Variants in NKAIN3 observed in about 807,000 individuals in gnomAD.
NKAIN3 encodes sodium/potassium transporting ATPase interacting 3.
Under a neutral mutation model 30.2 loss-of-function variants are expected in NKAIN3, and 25 were observed. The ratio of observed to expected loss-of-function variants is 0.83; its 90% CI spans 0.60 to 1.16. NKAIN3 has a LOEUF of 1.16. NKAIN3 is among the 50% of genes most tolerant of loss of function. NKAIN3 has a pLI of 0.00. For synonymous variants in NKAIN3, 91 were observed against 89.6 expected (o/e 1.02, Z -0.09); for missense variants, 225 against 254.1 (o/e 0.89, Z 0.78).
intron 1 of NKAIN3, among the ~76,000 whole-genome samples, chr8:62,571,388 G>A (rs1300024778): frequency 2.0e-5 from 3 of 152,118 alleles, no homozygotes; most frequent in African/African-American, 7.2e-5. Context: ...CTCCACCTCT[G>A]TGGCTTTGCA....
rs1213876791 is a variant in NKAIN3 at position 62,692,109 on chromosome 8, G to T, written c.274-54823G>T. On this transcript the variant is annotated intron_variant, in intron 3 of 6. Transcript: ENST00000623646. ...AGTCATGGCAGGTTCCGAGAGAGAA[G>T]GATCTCAAGGCCACTTGAAGCCTAG... Among the ~76,000 whole-genome samples, 3 of 152,278 alleles carry T rather than the reference G, an allele frequency of 2.0e-5. No homozygotes were observed. In the East Asian group the frequency reaches 5.8e-4, roughly 29 times the overall value.
chr8:62,532,806 C>T (rs185080734), intron 1 of NKAIN3, among the ~76,000 whole-genome samples: 7 of 152,272 alleles, frequency 4.6e-5, no homozygotes, highest in East Asian at 1.9e-4. Flanking sequence ...GTTAAGTTTA[C>T]GCATGGATCG....
chr8:62,767,130 C>G (rs532778809), intron 4 of NKAIN3, among the ~76,000 whole-genome samples: 9 of 152,134 alleles, frequency 5.9e-5, no homozygotes, highest in Non-Finnish European at 1.2e-4. Context: ...TTAATTCTTT[C>G]CCTCCGCATG....
At chr8:62,670,689 C>CT (rs1387796187) in intron 3 of NKAIN3, among the ~76,000 whole-genome samples, 1 of 151,974 alleles carries the variant, frequency 6.6e-6, no homozygotes, top group Non-Finnish European at 1.5e-5. Flanking sequence ...TAAAAGAGAC[C>CT]AGGTTCTTTC....
chr8:62,706,037 C>T (rs28608015), intron 3 of NKAIN3, among the ~76,000 whole-genome samples: 8,548 of 152,114 alleles, frequency 0.056, 469 homozygotes, highest in African/African-American at 0.14. Context: ...GTAAGTTGAC[C>T]TGTGTGAGTA....
At chr8:62,905,850 C>G (rs1821756996) in intron 4 of NKAIN3, among the ~76,000 whole-genome samples, 1 of 152,190 alleles carries the variant, frequency 6.6e-6, no homozygotes, top group Non-Finnish European at 1.5e-5. Flanking sequence ...TCCATGGACC[C>G]CTTCTCTGAC....
At chr8:62,596,258 G>A (rs1309369547) in intron 3 of NKAIN3, among the ~76,000 whole-genome samples, 1 of 151,930 alleles carries the variant, frequency 6.6e-6, no homozygotes, top group African/African-American at 2.4e-5. Flanking sequence ...GAGTACTGGG[G>A]CTTTGTTTCC....
chr8:62,374,465 G>C (rs1817013148), intron 1 of NKAIN3, among the ~76,000 whole-genome samples: 1 of 152,170 alleles, frequency 6.6e-6, no homozygotes, highest in Non-Finnish European at 1.5e-5. Context: ...TGAGAATTCA[G>C]GAGTCCAGGC....
intron 1 of NKAIN3, chr8:62,483,216 G>T (rs1261356017): frequency 6.6e-6 from 1 of 152,276 alleles, no homozygotes; most frequent in Non-Finnish European, 1.5e-5. Flanking sequence ...TTGGACCACT[G>T]TTGATTGAGA....
At chr8:62,270,287 G>T (rs1445585368) in intron 1 of NKAIN3, among the ~76,000 whole-genome samples, 3 of 152,104 alleles carry the variant, frequency 2.0e-5, no homozygotes, top group African/African-American at 7.2e-5. Flanking sequence ...TTGCCATGTT[G>T]CCCAGGCTGG....
In NKAIN3 at chr8:62,485,415, C is replaced by G. The variant is rs183991341; in HGVS notation, c.55-94124C>G. On this transcript the variant is annotated intron_variant, in intron 1 of 6. Transcript: ENST00000623646. Reference sequence around the variant, plus strand: ...TTTTATAGCACTAATATGCTAAATCCTGTTAAAAAAACACCCATTTATTTG... The same window carrying G: ...TTTTATAGCACTAATATGCTAAATCGTGTTAAAAAAACACCCATTTATTTG... 3.3e-5 allele frequency among the ~76,000 whole-genome samples: 5 copies of G among 152,214 alleles called. No individual in the cohort carries two copies. The East Asian group carries it at 9.7e-4, about 29-fold the overall frequency.
intron 1 of NKAIN3, among the ~76,000 whole-genome samples, chr8:62,298,001 T>G (rs1029072149): frequency 2.0e-5 from 3 of 152,014 alleles, no homozygotes; most frequent in African/African-American, 4.8e-5. Context: ...CCATAAAAAA[T>G]GATGAGTTCA....
chr8:62,746,318 CAGAT>C (rs1299928325), intron 3 of NKAIN3, among the ~76,000 whole-genome samples: 1 of 152,182 alleles, frequency 6.6e-6, no homozygotes, highest in African/African-American at 2.4e-5. Flanking sequence ...AGGGTCCACT[CAGAT>C]AGTCCATGAT....
chr8:62,335,734 A>T (rs1046965551), intron 1 of NKAIN3, among the ~76,000 whole-genome samples: 1 of 152,074 alleles, frequency 6.6e-6, no homozygotes, highest in African/African-American at 2.4e-5. Flanking sequence ...ACTAGGCTCT[A>T]GTCCTGTTTC....
At chr8:62,486,422 T>A (rs887340720) in intron 1 of NKAIN3, among the ~76,000 whole-genome samples, 1 of 152,080 alleles carries the variant, frequency 6.6e-6, no homozygotes, top group Non-Finnish European at 1.5e-5. Flanking sequence ...AAAAAAAATG[T>A]CTTTGTGTAA....
At chr8:62,334,293 T>C (rs1815457084) in intron 1 of NKAIN3, among the ~76,000 whole-genome samples, 1 of 152,102 alleles carries the variant, frequency 6.6e-6, no homozygotes, top group Non-Finnish European at 1.5e-5. Context: ...GGCAGAGCCA[T>C]GCTCTAGGGA....
chr8:62,636,453 G>T (rs1812132066), intron 3 of NKAIN3, among the ~76,000 whole-genome samples: 1 of 152,106 alleles, frequency 6.6e-6, no homozygotes, highest in African/African-American at 2.4e-5. Context: ...ATTAACAATG[G>T]TGTAAAATGG....
intron 3 of NKAIN3, among the ~76,000 whole-genome samples, chr8:62,707,074 C>CACACACACAT (rs1161484608): frequency 1.3e-5 from 2 of 151,792 alleles, no homozygotes; most frequent in African/African-American, 4.8e-5. Context: ...CACACACACA[C>CACACACACAT]ACACACACAC....
intron 1 of NKAIN3, among the ~76,000 whole-genome samples, chr8:62,542,098 C>T (rs976056396): frequency 6.6e-6 from 1 of 152,170 alleles, no homozygotes; most frequent in Non-Finnish European, 1.5e-5. Flanking sequence ...CAGAGAGGCT[C>T]TTTCCCCTGA....
Sources: gnomAD v4.1 joint callset for allele counts (sites outside exome capture counted in the v4.1 genomes callset) on GRCh38, gnomAD v4.1.1 for gene constraint, MANE v1.5 for transcripts, NCBI Gene and HGNC (gene_info 2026-07-23, HGNC 2026-07-21) for gene names.